KHNYN: variants seen among roughly 807,000 people sequenced by gnomAD.
KHNYN encodes the protein KH and NYN domain containing, also known as protein KHNYN.
KHNYN carries 42 observed loss-of-function variants against 62.7 expected under a neutral mutation model. That is an observed-to-expected ratio of 0.67 (90% CI 0.52 to 0.87). The LOEUF is 0.87. Among genes scored for constraint, KHNYN ranks in the 40% least tolerant of loss-of-function variants. The pLI is 0.00. For synonymous variants in KHNYN, 347 were observed against 345.6 expected (o/e 1.00, Z -0.04); for missense variants, 829 against 874.1 (o/e 0.95, Z 0.65).
At chr14:24,429,914 G>C (rs2043072382), upstream of KHNYN, 15 of 1,008,088 alleles carry the variant, frequency 1.5e-5, no homozygotes, top group Non-Finnish European at 1.8e-5. Flanking sequence ...GGGAGGAGCT[G>C]GGCTGACTCC....
chr14:24,428,041 C>T (rs2043039703), upstream of KHNYN: 3 of 1,546,956 alleles, frequency 1.9e-6, no homozygotes, highest in South Asian at 2.3e-5. Flanking sequence ...TCAGGACCCC[C>T]CACTTTCCCA....
At position 24,440,468 on chromosome 14, in the gene KHNYN, C is replaced by T; in HGVS notation, c.*3183C>T. 6.2e-7 allele frequency: 1 copy of T among 1,608,436 alleles called. No homozygotes were observed. On this transcript the variant is annotated 3_prime_UTR_variant, in exon 8 of 8. Transcript: ENST00000553935. ...GGGCAGCAGCATGTGGCCCATGGCA[C>T]CACCCCCACGGCCCAGCACAACCCC... is the stretch of plus-strand genomic sequence containing the variant.
At position 24,439,463 on chromosome 14, in the gene KHNYN, A is replaced by G; in HGVS notation, c.*2178A>G. The G allele has an allele frequency of 6.6e-6, 1 of 152,242 alleles. No homozygotes were observed. Among genetic ancestry groups the G allele is most frequent in the East Asian group, 1.9e-4 (1 of 5,202 alleles). The allele number at this position is 152,242 out of a possible 1,614,324, so 9.4% of individuals were successfully genotyped here. A position where few individuals can be genotyped will look rare whatever the true frequency, so the allele number is the denominator to read the frequency against. ...GGTGACACAGACTGAAGGCTATCCT[A>G]CACCTGGGCCTTACCTCTTCCTCTA... is the stretch of plus-strand genomic sequence containing the variant. On this transcript the variant is annotated 3_prime_UTR_variant, in exon 8 of 8. Coordinates refer to ENST00000553935, the MANE Select transcript of KHNYN (RefSeq NM_015299.3).
intron 1 of KHNYN, chr14:24,430,376 G>T: frequency 2.0e-6 from 2 of 987,714 alleles, no homozygotes; most frequent in South Asian, 6.5e-5. Context: ...CTGAGGATTC[G>T]TCCTTAAGAA....
upstream of KHNYN, chr14:24,428,617 G>C: frequency 8.9e-7 from 1 of 1,118,102 alleles, no homozygotes; most frequent in Non-Finnish European, 1.3e-6. Flanking sequence ...TGGGGTGGTG[G>C]GGCAATAGGC....
Position 24,432,977 on chromosome 14 carries a change from T to C in KHNYN, c.1522T>C (p.Ser508Pro). 1 of 1,614,208 alleles carries C rather than the reference T, an allele frequency of 6.2e-7. No individual in the cohort carries two copies. The highest frequency in any genetic ancestry group is 8.5e-7 in the Non-Finnish European group (1 of 1,180,040). ...AAAGCTGTATTCCCTCAGCCTGCTC[T>C]CCCTCACACCCTCACGAGTCATGGA... ...LQKLYSLSLLSLTPSRVMDGK... is the reference protein window; with the variant it reads ...LQKLYSLSLLPLTPSRVMDGK... The change falls in exon 5 of 8, where the codon TCC becomes CCC. Residue 508 changes from serine (S) to proline (P), a missense_variant. This residue lies in a region of KHNYN where 270 missense variants were observed against 347.1 expected (regional missense o/e 0.78). Coordinates refer to ENST00000553935, the MANE Select transcript of KHNYN (RefSeq NM_015299.3). This position sits in a 1 kb window ranked among gnomAD's most constrained non-coding sequence, Gnocchi z 5.6.
At chr14:24,424,601 C>T (rs968636085), upstream of KHNYN, among the ~76,000 whole-genome samples, 4 of 152,108 alleles carry the variant, frequency 2.6e-5, no homozygotes, top group South Asian at 4.2e-4. Flanking sequence ...CCTAATCACA[C>T]GAGTCCCTAA....
upstream of KHNYN, chr14:24,428,675 C>T: frequency 1.4e-6 from 2 of 1,457,902 alleles, no homozygotes; most frequent in Non-Finnish European, 1.8e-6. Flanking sequence ...GCCTCAGAGA[C>T]AGCAAAGTGG....
chr14:24,432,047 G>C lies in KHNYN; in HGVS notation c.786G>C (p.Gln262His). ...TYAVEKEGGK[Q>H]GGPREMDWGW... ...CTGTGGAGAAGGAGGGAGGGAAACA[G>C]GGTGGTCCCAGGGAGATGGATTGGG... The change falls in exon 3 of 8, where the codon CAG (glutamine) becomes CAC (histidine). Residue 262 changes from glutamine (Q) to histidine (H), a missense_variant. Gln to His is a conservative substitution (Grantham distance 24, BLOSUM62 0). This residue lies in a region of KHNYN where 559 missense variants were observed against 527.0 expected (regional missense o/e 1.06). Coordinates refer to ENST00000553935, the MANE Select transcript of KHNYN (RefSeq NM_015299.3). This position sits in a 1 kb window ranked among gnomAD's most constrained non-coding sequence, Gnocchi z 5.6. 1.3e-6 allele frequency: 2 copies of C among 1,596,274 alleles called. No individual in the cohort carries two copies. The highest frequency in any genetic ancestry group is 8.6e-7 in the Non-Finnish European group (1 of 1,169,432).
At position 24,432,063 on chromosome 14, in the gene KHNYN, A is replaced by T. The variant is rs1242086708; in HGVS notation, c.802A>T (p.Met268Leu). ...EGGKQGGPRE[M>L]DWGWKELPGE... ...AGGGAAACAGGGTGGTCCCAGGGAG[A>T]TGGATTGGGGGTGGAAGGAGTTGCC... Residue 268 changes from methionine to leucine, a missense_variant, in exon 3 of 8, where the codon ATG becomes TTG. Physicochemically the swap from Met to Leu is conservative, Grantham distance 15. Coordinates refer to ENST00000553935, the MANE Select transcript of KHNYN (RefSeq NM_015299.3). This position sits in a 1 kb window ranked among gnomAD's most constrained non-coding sequence, Gnocchi z 5.6. 3 of 1,583,350 alleles carry T rather than the reference A, an allele frequency of 1.9e-6. No individual in the cohort carries two copies. In the African/African-American group the frequency reaches 4.0e-5, roughly 21 times the overall value.
chr14:24,434,400 A>C (rs2043173425), intron 5 of KHNYN: 1 of 984,150 alleles, frequency 1.0e-6, no homozygotes, highest in Non-Finnish European at 1.2e-6. Flanking sequence ...AGTGTACCAT[A>C]TAATTTTTTT....
upstream of KHNYN, chr14:24,428,178 C>T (rs1245953772): frequency 1.4e-6 from 2 of 1,459,486 alleles, no homozygotes; most frequent in Non-Finnish European, 1.9e-6. Flanking sequence ...CTGGTCCTGG[C>T]CTCCAGGACA....
At chr14:24,429,144 C>A (rs2043059236), upstream of KHNYN, 3 of 1,370,146 alleles carry the variant, frequency 2.2e-6, no homozygotes, top group South Asian at 1.5e-5. Context: ...CGCCGGCACC[C>A]TGATCGTCTG....
Position 24,432,459 on chromosome 14 carries a change from T to C in KHNYN, c.1198T>C (p.Trp400Arg). ...QGMARGRGPQ[W>R]KRGARGGNLV... ...CATGGCACGGGGTCGGGGGCCTCAA[T>C]GGAAACGAGGCGCCCGAGGGGGCAA... Residue 400 changes from tryptophan (W) to arginine (R), a missense_variant, in exon 3 of 8, where the codon TGG becomes CGG. Physicochemically the swap from Trp to Arg is moderately radical, Grantham distance 101. Coordinates refer to ENST00000553935, the MANE Select transcript of KHNYN (RefSeq NM_015299.3). This position sits in a 1 kb window ranked among gnomAD's most constrained non-coding sequence, Gnocchi z 5.6. 6.2e-7 allele frequency: 1 copy of C among 1,613,520 alleles called. No homozygotes were observed. The highest frequency in any genetic ancestry group is 8.5e-7 in the Non-Finnish European group (1 of 1,179,886).
upstream of KHNYN, among the ~76,000 whole-genome samples, chr14:24,425,983 A>G (rs191501449): frequency 1.8e-4 from 27 of 152,350 alleles, no homozygotes; most frequent in Non-Finnish European, 3.1e-4. Flanking sequence ...TACCTTGCAA[A>G]TAGACAAAAT....
chr14:24,432,194 G>A lies in KHNYN; in HGVS notation c.933G>A (p.Glu311=), dbSNP rs764243202. 3 of 1,581,100 alleles carry A rather than the reference G, an allele frequency of 1.9e-6. No homozygotes were observed. Among genetic ancestry groups the A allele is most frequent in the East Asian group, 4.5e-5 (2 of 44,518 alleles). The change falls in exon 3 of 8, where the codon GAG becomes GAA. Residue 311 remains glutamate (E), a synonymous_variant. Transcript: ENST00000553935. This position sits in a 1 kb window ranked among gnomAD's most constrained non-coding sequence, Gnocchi z 5.6. ...PLKGKALGKE[E]IALGGGGFCV... ...AAGGGAAGGCCCTGGGGAAGGAGGAGATAGCTCTGGGAGGAGGAGGGTTCT... is the reference window on the plus strand; with the variant it reads ...AAGGGAAGGCCCTGGGGAAGGAGGAAATAGCTCTGGGAGGAGGAGGGTTCT...
intron 5 of KHNYN, chr14:24,434,314 T>C (rs151310961): frequency 1.0e-6 from 1 of 985,396 alleles, no homozygotes; most frequent in East Asian, 1.1e-4. Context: ...ACGGAATGAA[T>C]GTTGCTGAAC....
intron 7 of KHNYN, 47 bp from the exon 8 acceptor site, chr14:24,436,989 T>TC (rs761331472): frequency 1.4e-5 from 22 of 1,576,722 alleles, no homozygotes; most frequent in East Asian, 4.5e-5. Flanking sequence ...AGATCTAATT[T>TC]CCCCCCCAGG....
chr14:24,436,535 CCT>C, intron 7 of KHNYN, 46 bp downstream of exon 7: 2 of 1,392,570 alleles, frequency 1.4e-6, no homozygotes, highest in Non-Finnish European at 2.0e-6. Context: ...CACCCCTGGC[CCT>C]CTCTCAGCAG....
Sources: gnomAD v4.1 joint callset for allele counts (sites outside exome capture counted in the v4.1 genomes callset) on GRCh38, gnomAD v4.1.1 for gene constraint, gnomAD v4.1.1 regional missense constraint, Gnocchi (gnomAD v3.1) non-coding constraint, MANE v1.5 for transcripts, NCBI Gene and HGNC (gene_info 2026-07-23, HGNC 2026-07-21) for gene names.